Variants in UHRF2 observed in about 807,000 individuals in gnomAD.
UHRF2 encodes the protein ubiquitin like with PHD and ring finger domains 2.
A neutral mutation model predicts 96.8 loss-of-function variants in UHRF2; 23 were observed. The ratio of observed to expected loss-of-function variants is 0.24; its 90% CI spans 0.17 to 0.34. The LOEUF is 0.34. Among genes scored for constraint, UHRF2 ranks in the 10% least tolerant of loss-of-function variants. UHRF2 has a pLI of 1.00. For missense variants in UHRF2, 685 were observed against 981.5 expected (o/e 0.70, Z 4.04); for synonymous variants, 385 against 332.6 (o/e 1.16, Z -1.72).
chr9:6,459,209 A>ATTT (rs201601512), intron 3 of UHRF2, among the ~76,000 whole-genome samples: 4 of 152,128 alleles, frequency 2.6e-5, no homozygotes, highest in African/African-American at 9.7e-5. Flanking sequence ...AAGAACTTAA[A>ATTT]TTTTAAAAAA....
rs748757857 is a variant in UHRF2, at chr9:6,481,985, C to T, written c.1285-7C>T. The stretch of plus-strand genomic sequence containing the variant: ...TGATTTCTCAACGTTTGTTTTGCGT[C>T]TTGTAGGGAATGGCTTGTGTTGGTC... On this transcript the variant is annotated splice_polypyrimidine_tract_variant and splice_region_variant and intron_variant, in intron 7 of 15. Transcript: ENST00000276893. 108 of 1,611,564 alleles carry T rather than the reference C, an allele frequency of 6.7e-5. 1 individual carries two copies. Among genetic ancestry groups the T allele is most frequent in the African/African-American group, 1.3e-5 (1 of 74,856 alleles).
chr9:6,458,129 G>T (rs1212346874), intron 3 of UHRF2, among the ~76,000 whole-genome samples: 2 of 152,142 alleles, frequency 1.3e-5, no homozygotes, highest in Non-Finnish European at 2.9e-5. Flanking sequence ...CTGTGAATCC[G>T]TCTAGTCCTA....
At chr9:6,500,022 G>T (rs1278130653) in intron 13 of UHRF2, 91 bp downstream of exon 13, 2 of 1,020,166 alleles carry the variant, frequency 2.0e-6, no homozygotes, top group Non-Finnish European at 2.9e-6. Flanking sequence ...ACCCAGGCTG[G>T]AGTGCAGTGG....
intron 1 of UHRF2, among the ~76,000 whole-genome samples, chr9:6,419,276 C>G (rs1168244345): frequency 6.6e-6 from 1 of 152,178 alleles, no homozygotes; most frequent in East Asian, 1.9e-4. Flanking sequence ...AGGTCACATT[C>G]TCAAGTACCA....
intron 2 of UHRF2, among the ~76,000 whole-genome samples, chr9:6,433,667 G>A (rs939762183): frequency 6.6e-6 from 1 of 152,152 alleles, no homozygotes; most frequent in African/African-American, 2.4e-5. Context: ...ACGTCAGTAA[G>A]GCGTAAAGAA....
At chr9:6,435,240 C>T (rs1031998862) in intron 3 of UHRF2, among the ~76,000 whole-genome samples, 9 of 152,020 alleles carry the variant, frequency 5.9e-5, no homozygotes, top group South Asian at 2.1e-4. Context: ...GTGATCTGCC[C>T]GCCTCAGCCT....
chr9:6,472,639 A>C (rs1823314495), intron 4 of UHRF2, among the ~76,000 whole-genome samples: 1 of 152,236 alleles, frequency 6.6e-6, no homozygotes, highest in Non-Finnish European at 1.5e-5. Flanking sequence ...AAACAGAACT[A>C]ACTGAACATA....
chr9:6,505,940 A>G (rs1816557102), intron 15 of UHRF2, 93 bp from the exon 16 acceptor site: 1 of 1,312,908 alleles, frequency 7.6e-7, no homozygotes, highest in African/African-American at 1.5e-5. Context: ...TTCTCTCATT[A>G]CCAGTTTCTG....
intron 8 of UHRF2, among the ~76,000 whole-genome samples, chr9:6,482,516 A>G (rs529778554): frequency 6.6e-6 from 1 of 152,222 alleles, no homozygotes; most frequent in South Asian, 2.1e-4. Context: ...GGGCAGAGGA[A>G]GTGCCAGCTA....
At position 6,500,673 on chromosome 9, in the gene UHRF2, G is replaced by C. The variant is rs1816238991; in HGVS notation, c.2127G>C (p.Leu709=). The C allele has an allele frequency of 6.2e-7, 1 of 1,613,390 alleles. No homozygotes were observed. Among genetic ancestry groups the C allele is most frequent in the Non-Finnish European group, 8.5e-7 (1 of 1,179,752 alleles). Residue 709 remains leucine, a synonymous_variant, in exon 14 of 16, where the codon CTG becomes CTC. Coordinates refer to ENST00000276893, the MANE Select transcript of UHRF2 (RefSeq NM_152896.3). ...GAGAAGATTGTCAAAACCAGAAGCT[G>C]TGGGATGAAGTGCTTTCACATCTTG... is the stretch of plus-strand genomic sequence containing the variant. ...LIREDCQNQK[L]WDEVLSHLVE... is the part of the protein sequence containing the mutation.
chr9:6,469,474 C>T (rs912007470), intron 4 of UHRF2, among the ~76,000 whole-genome samples: 6 of 151,578 alleles, frequency 4.0e-5, no homozygotes, highest in Non-Finnish European at 7.4e-5. Flanking sequence ...GCCAAGATTG[C>T]GCCACTGCAC....
chr9:6,488,618 G>T (rs1392760565), intron 9 of UHRF2, among the ~76,000 whole-genome samples: 1 of 128,484 alleles, frequency 7.8e-6, no homozygotes, highest in Non-Finnish European at 1.5e-5. Flanking sequence ...CGCCATCTCA[G>T]TTCACTGCAA....
chr9:6,424,929 A>G (rs1378401618), intron 2 of UHRF2, among the ~76,000 whole-genome samples: 1 of 152,150 alleles, frequency 6.6e-6, no homozygotes, highest in Non-Finnish European at 1.5e-5. Flanking sequence ...CATCACGTAT[A>G]TAGGGCACAT....
chr9:6,497,874 A>G (rs1291046396), intron 11 of UHRF2, 144 bp from the exon 12 acceptor site: 5 of 999,556 alleles, frequency 5.0e-6, no homozygotes, highest in African/African-American at 3.3e-5. Flanking sequence ...GTTTTAGTGA[A>G]TATTCTTGAC....
intron 6 of UHRF2, among the ~76,000 whole-genome samples, chr9:6,480,782 C>G (rs896031931): frequency 6.6e-5 from 10 of 152,178 alleles, no homozygotes; most frequent in African/African-American, 2.2e-4. Context: ...AGTGCCTTCT[C>G]AAACATAATT....
At chr9:6,461,172 C>T (rs1822512936) in intron 4 of UHRF2, among the ~76,000 whole-genome samples, 1 of 152,162 alleles carries the variant, frequency 6.6e-6, no homozygotes, top group African/African-American at 2.4e-5. Context: ...CAGCTGTCTG[C>T]TGGACTTCTA....
chr9:6,505,422 A>G (rs1816532386), intron 15 of UHRF2, among the ~76,000 whole-genome samples: 1 of 152,044 alleles, frequency 6.6e-6, no homozygotes, highest in Non-Finnish European at 1.5e-5. Flanking sequence ...CAGCCTGTGG[A>G]GTAGCTGGGA....
At chr9:6,425,964 G>T (rs1820236099) in intron 2 of UHRF2, among the ~76,000 whole-genome samples, 2 of 152,166 alleles carry the variant, frequency 1.3e-5, no homozygotes, top group African/African-American at 4.8e-5. Context: ...TCTTTGGCCA[G>T]AGTTTAGAAG....
intron 2 of UHRF2, among the ~76,000 whole-genome samples, chr9:6,421,572 A>T (rs1257506398): frequency 6.6e-6 from 1 of 152,060 alleles, no homozygotes; most frequent in East Asian, 1.9e-4. Context: ...GTGCACCACC[A>T]CGCCCGGCTA....
Sources: allele counts gnomAD v4.1 joint callset (sites outside exome capture counted in the v4.1 genomes callset), GRCh38; gene constraint gnomAD v4.1.1; transcripts MANE v1.5; gene names NCBI Gene and HGNC (gene_info 2026-07-23, HGNC 2026-07-21).